ENTPD2: variants seen among roughly 807,000 people sequenced by gnomAD.
ENTPD2 encodes the protein ectonucleoside triphosphate diphosphohydrolase 2.
ENTPD2 carries 48 observed loss-of-function variants against 46.8 expected under a neutral mutation model. The ratio of observed to expected loss-of-function variants is 1.03; its 90% CI spans 0.81 to 1.30. ENTPD2 has a LOEUF of 1.30. Ranked by LOEUF, ENTPD2 falls within the 50% of genes most tolerant of loss-of-function variation. The pLI is 0.00. For synonymous variants in ENTPD2, 316 were observed against 286.1 expected (o/e 1.10, Z -1.06); for missense variants, 707 against 651.1 (o/e 1.09, Z -0.93).
intron 5 of ENTPD2, 90 bp downstream of exon 5, chr9:137,050,812 C>A: frequency 1.4e-6 from 2 of 1,466,390 alleles, no homozygotes; most frequent in Admixed American, 1.9e-5. Flanking sequence ...TAAAGCCCAG[C>A]CTGGAGAAGC....
chr9:137,052,593 C>G (rs554759395), intron 1 of ENTPD2: 98 of 393,650 alleles, frequency 2.5e-4, no homozygotes, highest in African/African-American at 1.9e-3. Context: ...ATGCCAGGGT[C>G]TGGGCAGCAG....
Position 137,051,790 on chromosome 9 carries a change from C to T in ENTPD2, c.236-130G>A, listed in dbSNP as rs1252740868. The T allele has an allele frequency of 5.2e-6, 7 of 1,358,088 alleles. No homozygotes were observed. The East Asian group carries it at 1.3e-4, about 25-fold the overall frequency. 84.1% of individuals were successfully genotyped at this position (1,358,088 alleles called of 1,614,324 possible). A position where few individuals can be genotyped will look rare whatever the true frequency, so the allele number is the denominator to read the frequency against. Reference sequence around the variant, plus strand: ...AGGTGGCACACCTTCCCTGCTTAAGCCCCCAGAAACGCCCAGGTTGGAGAC... The same window carrying T: ...AGGTGGCACACCTTCCCTGCTTAAGTCCCCAGAAACGCCCAGGTTGGAGAC... On this transcript the variant is annotated intron_variant, in intron 2 of 8. Coordinates refer to ENST00000355097, the MANE Select transcript of ENTPD2 (RefSeq NM_203468.3).
At chr9:137,051,420 G>C (rs1295847616) in intron 3 of ENTPD2, 50 bp from the exon 4 acceptor site, 1 of 1,538,704 alleles carries the variant, frequency 6.5e-7, no homozygotes, top group African/African-American at 1.4e-5. Flanking sequence ...GTGGCTGTGA[G>C]CCTGCTGTAG....
intron 7 of ENTPD2, 194 bp downstream of exon 7, chr9:137,049,676 C>T: frequency 1.6e-6 from 1 of 617,998 alleles, no homozygotes; most frequent in Admixed American, 3.5e-5. Flanking sequence ...CCTGGCGAAG[C>T]TTCTCCAACC....
intron 2 of ENTPD2, 26 bp from the exon 3 acceptor site, chr9:137,051,686 T>A (rs1417104236): frequency 1.1e-5 from 18 of 1,590,006 alleles, no homozygotes; most frequent in Non-Finnish European, 1.5e-5. Flanking sequence ...GAGATGAGCC[T>A]ATGCCTCACG....
rs746804655 is a variant in ENTPD2, at chr9:137,050,932, G to A, written c.744C>T (p.Val248=). ...HSFLCYGRDQ[V]LQRLLASALQ... ...GGGCGCTGGCCAGCAGCCTCTGGAG[G>A]ACCTGGTCACGGCCATAGCAGAGGA... Residue 248 remains valine (V), a synonymous_variant, in exon 5 of 9, where the codon GTC becomes GTT. Transcript: ENST00000355097. 2.4e-5 allele frequency: 38 copies of A among 1,612,082 alleles called. No homozygotes were observed. Among genetic ancestry groups the A allele is most frequent in the Non-Finnish European group, 3.0e-5 (35 of 1,180,000 alleles).
chr9:137,051,505 C>G lies in ENTPD2; in HGVS notation c.386+5G>C. 3.8e-6 allele frequency: 6 copies of G among 1,586,006 alleles called. No individual in the cohort carries two copies. The highest frequency in any genetic ancestry group is 5.2e-6 in the Non-Finnish European group (6 of 1,165,012). On this transcript the variant is annotated splice_donor_5th_base_variant and intron_variant, in intron 3 of 8. Transcript: ENST00000355097. Reference sequence around the variant, plus strand: ...GGGACAGGGCCAGGGCACAGGCACACTCACTTGAGCAGGCGCATACCCGCT... The same window carrying G: ...GGGACAGGGCCAGGGCACAGGCACAGTCACTTGAGCAGGCGCATACCCGCT...
chr9:137,051,620 G>A lies in ENTPD2; in HGVS notation c.276C>T (p.Ala92=). The change falls in exon 3 of 9, where the codon GCC becomes GCT. Residue 92 remains alanine (A), a synonymous_variant. Coordinates refer to ENST00000355097, the MANE Select transcript of ENTPD2 (RefSeq NM_203468.3). The part of the protein sequence containing the change: ...ISSYADNPSG[A]SQSLVGCLEQ... ...CGAGGCATCCAACAAGACTCTGGCT[G>A]GCCCCAGAAGGGTTGTCTGCATAGC... 1 of 1,612,630 alleles carries A rather than the reference G, an allele frequency of 6.2e-7. No homozygotes were observed. The highest frequency in any genetic ancestry group is 8.5e-7 in the Non-Finnish European group (1 of 1,179,866).
Position 137,052,217 on chromosome 9 carries a change from G to T in ENTPD2, c.235+14C>A. On this transcript the variant is annotated intron_variant, in intron 2 of 8. Coordinates refer to ENST00000355097, the MANE Select transcript of ENTPD2 (RefSeq NM_203468.3). Reference sequence around the variant, plus strand: ...AGTGAGTGGGCGTCCTGGCTGGGCTGGGCTGGGCCTCACCTGGAACATCAC... The same window carrying T: ...AGTGAGTGGGCGTCCTGGCTGGGCTTGGCTGGGCCTCACCTGGAACATCAC... The T allele has an allele frequency of 6.2e-7, 1 of 1,610,454 alleles. No individual in the cohort carries two copies.
At position 137,048,971 on chromosome 9, in the gene ENTPD2, G is replaced by A. The variant is rs1308625539; in HGVS notation, c.1254C>T (p.Arg418=). 2.6e-6 allele frequency: 4 copies of A among 1,533,132 alleles called. No homozygotes were observed. Among genetic ancestry groups the A allele is most frequent in the Non-Finnish European group, 3.5e-6 (4 of 1,143,086 alleles). 95.0% of individuals were successfully genotyped at this position (1,533,132 alleles called of 1,614,324 possible). ...LLSRGYGFDE[R]AFGGVIFQKK... is the part of the protein sequence containing the mutation. The stretch of plus-strand genomic sequence containing the variant: ...TCTGGAAGATCACGCCGCCGAAGGC[G>A]CGCTCGTCGAAGCCGTAGCCGCGAC... Residue 418 remains arginine, a synonymous_variant, in exon 8 of 9, where the codon CGC becomes CGT. Coordinates refer to ENST00000355097, the MANE Select transcript of ENTPD2 (RefSeq NM_203468.3).
Position 137,051,233 on chromosome 9 carries a change from T to A in ENTPD2, c.524A>T (p.Tyr175Phe), listed in dbSNP as rs746103337. 2 of 1,612,454 alleles carry A rather than the reference T, an allele frequency of 1.2e-6. No individual in the cohort carries two copies. The highest frequency in any genetic ancestry group is 2.7e-5 in the African/African-American group (2 of 74,842). ...CACCTTGATGAAGTTCTCCAGCAGG[T>A]AGTTGGCAGTCACCCAGCCAAACAC... ...EGVFGWVTAN[Y>F]LLENFIKYGW... Residue 175 changes from tyrosine (Y) to phenylalanine (F), a missense_variant, in exon 4 of 9, where the codon TAC becomes TTC. By Grantham distance (22) the Tyr-to-Phe change is conservative (BLOSUM62 3). Transcript: ENST00000355097.
chr9:137,050,943 G>A lies in ENTPD2; in HGVS notation c.733C>T (p.Arg245Cys), dbSNP rs759351054. ...VYTHSFLCYG[R>C]DQVLQRLLAS... ...AGCAGCCTCTGGAGGACCTGGTCAC[G>A]GCCATAGCAGAGGAAGCTGTGGGTG... The change falls in exon 5 of 9, where the codon CGT becomes TGT. Residue 245 changes from arginine (R) to cysteine (C), a missense_variant. Transcript: ENST00000355097. 3.5e-5 allele frequency: 56 copies of A among 1,612,380 alleles called. 1 individual carries two copies. The highest frequency in any genetic ancestry group is 1.6e-4 in the South Asian group (15 of 91,084).
At position 137,053,740 on chromosome 9, in the gene ENTPD2, G is replaced by A. The variant is rs1393019192; in HGVS notation, c.117+141C>T. 5.9e-6 allele frequency: 3 copies of A among 512,716 alleles called. No individual in the cohort carries two copies. The African/African-American group carries it at 6.0e-5, about 10-fold the overall frequency. 31.8% of individuals were successfully genotyped at this position (512,716 alleles called of 1,614,324 possible). ...TCGGGGAGCGCAGAGCGCGGAACCC[G>A]GGACCCCACCCAGCCCGCCAGGAGC... On this transcript the variant is annotated intron_variant, in intron 1 of 8. Coordinates refer to ENST00000355097, the MANE Select transcript of ENTPD2 (RefSeq NM_203468.3).
chr9:137,051,104 C>T lies in ENTPD2; in HGVS notation c.572G>A (p.Arg191Gln), dbSNP rs1205829143. The T allele has an allele frequency of 1.2e-5, 19 of 1,612,630 alleles. No individual in the cohort carries two copies. Among genetic ancestry groups the T allele is most frequent in the African/African-American group, 2.7e-5 (2 of 74,916 alleles). Reference sequence around the variant, plus strand: ...GGCCCCCAGTGTCCCCTTCCGTGGCCGGAACCACCGGCCCACCCAGCCGTA... The same window carrying T: ...GGCCCCCAGTGTCCCCTTCCGTGGCTGGAACCACCGGCCCACCCAGCCGTA... Reference protein sequence around the residue: ...IKYGWVGRWFRPRKGTLGAMD... With the variant: ...IKYGWVGRWFQPRKGTLGAMD... The change falls in exon 5 of 9, where the codon CGG becomes CAG. Residue 191 changes from arginine to glutamine, a missense_variant. Coordinates refer to ENST00000355097, the MANE Select transcript of ENTPD2 (RefSeq NM_203468.3).
In ENTPD2 at chr9:137,050,027, C is replaced by T. The variant is rs373526741; in HGVS notation, c.1030-38G>A. The T allele has an allele frequency of 1.8e-5, 29 of 1,591,050 alleles. 1 individual carries two copies. The Middle Eastern group carries it at 1.4e-3, about 78-fold the overall frequency. ...CAGTCACACTGTGACCGAACCCCAG[C>T]GGCTCAGAGCACCTGCTGCCACCCG... On this transcript the variant is annotated intron_variant, in intron 6 of 8. Transcript: ENST00000355097.
intron 2 of ENTPD2, 132 bp from the exon 3 acceptor site, chr9:137,051,792 C>T: frequency 4.5e-6 from 6 of 1,340,202 alleles, no homozygotes; most frequent in Non-Finnish European, 5.9e-6. Flanking sequence ...TGCTTAAGCC[C>T]CCAGAAACGC....
chr9:137,050,787 G>T, intron 5 of ENTPD2, 115 bp downstream of exon 5: 1 of 1,375,280 alleles, frequency 7.3e-7, no homozygotes, highest in Non-Finnish European at 9.9e-7. Flanking sequence ...CCTCCCACCT[G>T]TCTTTCCAGC....
chr9:137,048,463 T>G lies in ENTPD2; in HGVS notation c.*194A>C, dbSNP rs1289286195. The G allele has an allele frequency of 9.4e-6, 4 of 426,042 alleles. No homozygotes were observed. The highest frequency in any genetic ancestry group is 3.2e-5 in the African/African-American group (1 of 31,222). The allele number at this position is 426,042 out of a possible 1,614,324, so 26.4% of individuals were successfully genotyped here. On this transcript the variant is annotated 3_prime_UTR_variant, in exon 9 of 9. Transcript: ENST00000355097. ...GGTGGAAGGATGGAGAAGACAGTGG[T>G]GGGGTGGAGCGGTGGGGGATAGAGG...
rs748902935 is a variant in ENTPD2, at chr9:137,050,475, A to T, written c.838T>A (p.Tyr280Asn). Residue 280 changes from tyrosine (Y) to asparagine (N), a missense_variant, in exon 6 of 9, where the codon TAC (tyrosine) becomes AAC (asparagine). Coordinates refer to ENST00000355097, the MANE Select transcript of ENTPD2 (RefSeq NM_203468.3). The stretch of plus-strand genomic sequence containing the variant: ...TGGGCCATGGTGCATGGTGACTGGT[A>T]CACATCCCCGAGCAGCACTTGGGTG... ...FSTQVLLGDV[Y>N]QSPCTMAQRP... 1 of 1,612,752 alleles carries T rather than the reference A, an allele frequency of 6.2e-7. No homozygotes were observed. Among genetic ancestry groups the T allele is most frequent in the African/African-American group, 1.3e-5 (1 of 74,944 alleles).
Sources: allele counts gnomAD v4.1 joint callset, GRCh38; gene constraint gnomAD v4.1.1; transcripts MANE v1.5; gene names NCBI Gene and HGNC (gene_info 2026-07-23, HGNC 2026-07-21).